Variants in SPOCK3 observed in about 807,000 individuals in gnomAD.
SPOCK3 encodes SPARC (osteonectin), cwcv and kazal like domains proteoglycan 3, also known as testican-3.
SPOCK3 carries 30 observed loss-of-function variants against 56.6 expected under a neutral mutation model. That is an observed-to-expected ratio of 0.53 (90% CI 0.40 to 0.72). The LOEUF is 0.72. Among genes scored for constraint, SPOCK3 ranks in the 30% least tolerant of loss-of-function variants. SPOCK3 has a pLI of 0.00. For missense variants in SPOCK3, 527 were observed against 530.0 expected (o/e 0.99, Z 0.06); for synonymous variants, 196 against 183.3 (o/e 1.07, Z -0.56).
chr4:166,954,170 T>G (rs529703216), intron 4 of SPOCK3, among the ~76,000 whole-genome samples: 22 of 152,196 alleles, frequency 1.4e-4, no homozygotes, highest in Non-Finnish European at 2.9e-4. Context: ...CCTTTTATAA[T>G]AGGTTGGTGC....
intron 2 of SPOCK3, among the ~76,000 whole-genome samples, chr4:167,229,422 A>G (rs1337528434): frequency 6.6e-6 from 1 of 152,118 alleles, no homozygotes; most frequent in Non-Finnish European, 1.5e-5. Context: ...CTGTAGAGCC[A>G]TAGAATACTT....
At chr4:167,209,844 G>A (rs1734695961) in intron 2 of SPOCK3, among the ~76,000 whole-genome samples, 1 of 152,088 alleles carries the variant, frequency 6.6e-6, no homozygotes, top group African/African-American at 2.4e-5. Flanking sequence ...ATAATGCAAA[G>A]TAGACATCAT....
chr4:167,187,881 A>G (rs1580557556), intron 2 of SPOCK3, among the ~76,000 whole-genome samples: 1 of 152,264 alleles, frequency 6.6e-6, no homozygotes, highest in East Asian at 1.9e-4. Context: ...GCCTTAGATA[A>G]TGTACAAATA....
chr4:166,950,922 A>G (rs2150035739), intron 4 of SPOCK3, among the ~76,000 whole-genome samples: 1 of 139,122 alleles, frequency 7.2e-6, no homozygotes, highest in East Asian at 2.0e-4. Context: ...AATCTCTGGG[A>G]CACATTCAAA....
intron 3 of SPOCK3, among the ~76,000 whole-genome samples, chr4:167,023,463 A>G (rs772695240): frequency 6.6e-6 from 1 of 151,982 alleles, no homozygotes; most frequent in Non-Finnish European, 1.5e-5. Flanking sequence ...TAGGTTAAAA[A>G]AAAAAGAAAA....
chr4:167,230,009 C>A (rs938620720), intron 2 of SPOCK3, among the ~76,000 whole-genome samples: 2 of 151,956 alleles, frequency 1.3e-5, no homozygotes, highest in South Asian at 4.1e-4. Context: ...AGGGTACAAT[C>A]CTGTTTTTAT....
chr4:167,029,113 C>T (rs1752011806), intron 3 of SPOCK3, among the ~76,000 whole-genome samples: 1 of 151,978 alleles, frequency 6.6e-6, no homozygotes, highest in Non-Finnish European at 1.5e-5. Context: ...TGTTAACCGC[C>T]ATGAGTCCAT....
chr4:166,892,014 A>G (rs563407605), intron 5 of SPOCK3, among the ~76,000 whole-genome samples: 1 of 152,186 alleles, frequency 6.6e-6, no homozygotes, highest in African/African-American at 2.4e-5. Flanking sequence ...CCTGGCTAAT[A>G]CTTGAATGAA....
At chr4:167,036,187 C>A (rs1427625) in intron 3 of SPOCK3, among the ~76,000 whole-genome samples, 38 of 127,282 alleles carry the variant, frequency 3.0e-4, no homozygotes, top group African/African-American at 1.1e-3. Flanking sequence ...ATTGGCTCAA[C>A]TATTTTGAGC....
chr4:166,885,484 C>T (rs1177089137), intron 6 of SPOCK3, among the ~76,000 whole-genome samples: 1 of 151,944 alleles, frequency 6.6e-6, no homozygotes, highest in Non-Finnish European at 1.5e-5. Flanking sequence ...CTGGCAATGA[C>T]CGATTTGCAC....
intron 3 of SPOCK3, among the ~76,000 whole-genome samples, chr4:167,046,450 CTTTTTTTT>C (rs67108499): frequency 7.4e-5 from 4 of 53,702 alleles, no homozygotes; most frequent in East Asian, 5.4e-4. Context: ...TTCTGATATT[CTTTTTTTT>C]TTTTTTTTTT....
intron 4 of SPOCK3, among the ~76,000 whole-genome samples, chr4:166,922,801 T>C (rs1388400536): frequency 6.6e-6 from 1 of 152,198 alleles, no homozygotes; most frequent in Non-Finnish European, 1.5e-5. Flanking sequence ...ATATTGCATA[T>C]AAGTTGAATT....
intron 4 of SPOCK3, among the ~76,000 whole-genome samples, chr4:166,929,751 A>C (rs184597500): frequency 6.6e-6 from 1 of 152,274 alleles, no homozygotes; most frequent in Admixed American, 6.5e-5. Flanking sequence ...GATATCCATT[A>C]GCTATATGAT....
chr4:166,817,634 A>G lies in SPOCK3; in HGVS notation c.590-25345T>C, dbSNP rs140316556. Among the ~76,000 whole-genome samples the G allele has an allele frequency of 8.4e-3, 1,281 of 152,240 alleles. 13 individuals are homozygous for G. The highest frequency in any genetic ancestry group is 0.018 in the South Asian group (87 of 4,832). On this transcript the variant is annotated intron_variant, in intron 6 of 10. Coordinates refer to ENST00000357545, the MANE Select transcript of SPOCK3 (RefSeq NM_001040159.2). ...ACTTCCTCATCCTGAGTCCAGAGAC[A>G]TTAAATAAAGAGAAAGAGGAGCTCT...
chr4:166,980,136 G>C (rs1303717274), intron 4 of SPOCK3, among the ~76,000 whole-genome samples: 1 of 152,146 alleles, frequency 6.6e-6, no homozygotes, highest in African/African-American at 2.4e-5. Flanking sequence ...CATTTTCATG[G>C]TGAACTTCAC....
intron 2 of SPOCK3, among the ~76,000 whole-genome samples, chr4:167,164,438 AT>A (rs1765583212): frequency 6.6e-6 from 1 of 151,994 alleles, no homozygotes; most frequent in African/African-American, 2.4e-5. Context: ...CTTTTTTTTA[AT>A]TTTACTTTAA....
chr4:166,971,483 A>G (rs1458370794), intron 4 of SPOCK3, among the ~76,000 whole-genome samples: 1 of 151,118 alleles, frequency 6.6e-6, no homozygotes, highest in Non-Finnish European at 1.5e-5. Context: ...CCCAATTACA[A>G]GCAAATATGG....
At chr4:167,134,323 G>T (rs1442303671) in intron 2 of SPOCK3, among the ~76,000 whole-genome samples, 2 of 151,906 alleles carry the variant, frequency 1.3e-5, no homozygotes. Flanking sequence ...GTGAGCCATC[G>T]CACGTGGCGC....
At chr4:167,156,643 TAGAAAA>T (rs1274061568) in intron 2 of SPOCK3, among the ~76,000 whole-genome samples, 2 of 152,148 alleles carry the variant, frequency 1.3e-5, no homozygotes, top group African/African-American at 2.4e-5. Context: ...AGCAAAGAAT[TAGAAAA>T]AGAAATTCTG....
Sources: gnomAD v4.1 joint callset for allele counts (sites outside exome capture counted in the v4.1 genomes callset) on GRCh38, gnomAD v4.1.1 for gene constraint, MANE v1.5 for transcripts, NCBI Gene and HGNC (gene_info 2026-07-23, HGNC 2026-07-21) for gene names.